The following ZFPM2 variants were observed in gnomAD, a reference collection of about 807,000 sequenced individuals.
ZFPM2 encodes the protein zinc finger protein, FOG family member 2.
Under a neutral mutation model 98.6 loss-of-function variants are expected in ZFPM2, and 20 were observed. The observed-to-expected ratio is 0.20, with a 90% CI of 0.14 to 0.29. The LOEUF (loss-of-function observed/expected upper bound fraction) is 0.29, where lower values mean the gene tolerates loss of function less well. Among genes scored for constraint, ZFPM2 ranks in the 10% least tolerant of loss-of-function variants. The pLI is 1.00. For synonymous variants in ZFPM2, 518 were observed against 502.7 expected, an observed-to-expected ratio of 1.03 and a Z score of -0.41; for missense variants, 1,310 against 1,388.6, an observed-to-expected ratio of 0.94 and a Z score of 0.90.
intron 2 of ZFPM2, among the ~76,000 whole-genome samples, chr8:105,420,047 C>G (rs1166263115): frequency 6.6e-6 from 1 of 152,158 alleles, no homozygotes; most frequent in Non-Finnish European, 1.5e-5. Context: ...TCTCCTCCTG[C>G]ACCAATGTAC....
intron 3 of ZFPM2, among the ~76,000 whole-genome samples, chr8:105,463,015 TA>T (rs201178370): frequency 2.4e-4 from 36 of 151,200 alleles, no homozygotes; most frequent in East Asian, 9.7e-4. Context: ...AGATAAATAA[TA>T]AAAAAAATAT....
chr8:105,480,936 G>C (rs191054146), intron 3 of ZFPM2, among the ~76,000 whole-genome samples: 1 of 152,134 alleles, frequency 6.6e-6, no homozygotes, highest in Non-Finnish European at 1.5e-5. Flanking sequence ...ATTTTTAGTA[G>C]AGACGGGGTT....
intron 2 of ZFPM2, among the ~76,000 whole-genome samples, chr8:105,441,470 G>GA (rs1288552584): frequency 0.018 from 1,208 of 68,632 alleles, 337 homozygotes; most frequent in African/African-American, 0.076. Context: ...AAGAAAGAAA[G>GA]AAAGAAAGAA....
intron 4 of ZFPM2, among the ~76,000 whole-genome samples, chr8:105,607,261 G>A (rs1816215150): frequency 6.6e-6 from 1 of 152,078 alleles, no homozygotes; most frequent in South Asian, 2.1e-4. Context: ...TGATACCTCA[G>A]ATTCTGCCAA....
intron 1 of ZFPM2, among the ~76,000 whole-genome samples, chr8:105,340,460 G>C (rs570115734): frequency 6.6e-6 from 1 of 151,902 alleles, no homozygotes; most frequent in South Asian, 2.1e-4. Flanking sequence ...ATACATTTTT[G>C]ACTAATTTTA....
intron 4 of ZFPM2, among the ~76,000 whole-genome samples, chr8:105,600,951 T>A (rs1361904377): frequency 6.6e-6 from 1 of 152,106 alleles, no homozygotes; most frequent in African/African-American, 2.4e-5. Flanking sequence ...CATGTAGATA[T>A]AGTCTTATAT....
In ZFPM2 at chr8:105,511,951, G is replaced by A. The variant is rs560286390; in HGVS notation, c.302-49412G>A. ...ACCTGAGGCCAGGAGTTCAAGACCTGCCTGGCCAACATGGTGCAACCCCAT... is the reference window on the plus strand; with the variant it reads ...ACCTGAGGCCAGGAGTTCAAGACCTACCTGGCCAACATGGTGCAACCCCAT... On this transcript the variant is annotated intron_variant, in intron 3 of 7. Transcript: ENST00000407775. 2.1e-4 allele frequency among the ~76,000 whole-genome samples: 32 copies of A among 152,264 alleles called. 1 individual carries two copies. In the South Asian group the frequency reaches 6.6e-3, roughly 32 times the overall value.
At chr8:105,659,226 A>G (rs1329847582) in intron 5 of ZFPM2, among the ~76,000 whole-genome samples, 1 of 152,216 alleles carries the variant, frequency 6.6e-6, no homozygotes, top group Non-Finnish European at 1.5e-5. Context: ...GAAACTTCTC[A>G]AAACCTAAAT....
In ZFPM2 at chr8:105,318,923, G is replaced by GGCA. The variant is rs1306174872; in HGVS notation, c.-13_-11dup. On this transcript the variant is annotated 5_prime_UTR_variant, in exon 1 of 8. Coordinates refer to ENST00000407775, the MANE Select transcript of ZFPM2 (RefSeq NM_012082.4). ...CCGCGGGCACCGCGGGAGCCCCAGC[G>GGCA]GCAGCAGCCGCCGCCGAGATGTCCC... 7.1e-7 allele frequency: 1 copy of GGCA among 1,405,272 alleles called. No homozygotes were observed. Among genetic ancestry groups the GGCA allele is most frequent in the South Asian group, 1.5e-5 (1 of 68,874 alleles). The allele number at this position is 1,405,272 out of a possible 1,614,324, so 87.1% of individuals were successfully genotyped here.
chr8:105,542,848 C>A (rs1340707639), intron 3 of ZFPM2, among the ~76,000 whole-genome samples: 1 of 152,140 alleles, frequency 6.6e-6, no homozygotes, highest in Non-Finnish European at 1.5e-5. Context: ...AAGATAGTGA[C>A]ATTTATGCCA....
At chr8:105,468,231 G>A (rs1812830430) in intron 3 of ZFPM2, among the ~76,000 whole-genome samples, 1 of 151,464 alleles carries the variant, frequency 6.6e-6, no homozygotes, top group East Asian at 1.9e-4. Flanking sequence ...CTCTTCCCAG[G>A]GGTACTTGAC....
chr8:105,660,697 C>G (rs1230108622), intron 5 of ZFPM2, among the ~76,000 whole-genome samples: 15 of 152,174 alleles, frequency 9.9e-5, no homozygotes, highest in Non-Finnish European at 1.8e-4. Flanking sequence ...AATGTAACTT[C>G]TGGTATCACC....
intron 1 of ZFPM2, among the ~76,000 whole-genome samples, chr8:105,388,078 T>G (rs1811037041): frequency 6.6e-6 from 1 of 152,194 alleles, no homozygotes; most frequent in South Asian, 2.1e-4. Context: ...CAAGAAACTA[T>G]TGAACTGATA....
intron 5 of ZFPM2, among the ~76,000 whole-genome samples, chr8:105,749,558 T>C (rs917969716): frequency 1.3e-5 from 2 of 152,044 alleles, no homozygotes; most frequent in African/African-American, 4.8e-5. Context: ...CCTGGTCATG[T>C]TCAGCATTTT....
At chr8:105,764,792 G>C (rs1237905272) in intron 5 of ZFPM2, among the ~76,000 whole-genome samples, 1 of 151,552 alleles carries the variant, frequency 6.6e-6, no homozygotes, top group Non-Finnish European at 1.5e-5. Context: ...TACACAGTAA[G>C]GTGTTTTAGA....
rs185193495 is a variant in ZFPM2, at chr8:105,678,782, C to G, written c.532+44425C>G. 3.3e-5 allele frequency: 5 copies of G among 152,320 alleles called. No homozygotes were observed. In the East Asian group the frequency reaches 9.6e-4, roughly 29 times the overall value. The allele number at this position is 152,320 out of a possible 1,614,324, so 9.4% of individuals were successfully genotyped here. On this transcript the variant is annotated intron_variant, in intron 5 of 7. Coordinates refer to ENST00000407775, the MANE Select transcript of ZFPM2 (RefSeq NM_012082.4). ...CCCTCAGGTTGTGACAGTCAAGCTA[C>G]AGTGGCTGTGAAATAATCTGCACAG... is the stretch of plus-strand genomic sequence containing the variant.
At chr8:105,365,029 G>A (rs1810480875) in intron 1 of ZFPM2, among the ~76,000 whole-genome samples, 2 of 152,018 alleles carry the variant, frequency 1.3e-5, no homozygotes, top group African/African-American at 4.8e-5. Context: ...CTTGCTCTCA[G>A]CCCCAAACTT....
intron 4 of ZFPM2, among the ~76,000 whole-genome samples, chr8:105,624,443 C>T (rs1816612752): frequency 6.6e-6 from 1 of 152,034 alleles, no homozygotes; most frequent in South Asian, 2.1e-4. Flanking sequence ...ACAGATGAGG[C>T]TGTGGGAGTG....
chr8:105,636,873 G>A (rs191354325), intron 5 of ZFPM2, among the ~76,000 whole-genome samples: 37 of 152,260 alleles, frequency 2.4e-4, no homozygotes, highest in African/African-American at 8.4e-4. Flanking sequence ...AATAACTACT[G>A]CGTATGCTTT....
Sources: allele counts gnomAD v4.1 joint callset (sites outside exome capture counted in the v4.1 genomes callset), GRCh38; gene constraint gnomAD v4.1.1; transcripts MANE v1.5; gene names NCBI Gene and HGNC (gene_info 2026-07-23, HGNC 2026-07-21).